ZNF507: variants seen among roughly 807,000 people sequenced by gnomAD.
ZNF507 encodes zinc finger protein 507.
In ZNF507, 29 loss-of-function variants were observed where a neutral mutation model predicts 80.0. That is an observed-to-expected ratio of 0.36 (90% CI 0.27 to 0.49). ZNF507 has a LOEUF of 0.49. Ranked by LOEUF, ZNF507 falls within the 20% of genes least tolerant of loss-of-function variation. The pLI, the probability that ZNF507 is intolerant of heterozygous loss-of-function variation, is 0.98. For missense variants in ZNF507, 1,081 were observed against 1,152.2 expected (o/e 0.94, Z 0.90); for synonymous variants, 462 against 422.5 (o/e 1.09, Z -1.15).
Position 32,352,829 on chromosome 19 carries a change from A to G in ZNF507, c.-2A>G, listed in dbSNP as rs142619710. ...TTCTGTTTTACATTATCCTTTTTAG[A>G]TATGGAAGAAAGTAGCAGTGTTGCC... On this transcript the variant is annotated splice_region_variant and 5_prime_UTR_variant, in exon 3 of 7. Transcript: ENST00000355898. The G allele has an allele frequency of 3.2e-6, 5 of 1,561,784 alleles. No homozygotes were observed. The highest frequency in any genetic ancestry group is 3.4e-6 in the Non-Finnish European group (4 of 1,159,938).
At chr19:32,364,947 C>T (rs539143197) in intron 5 of ZNF507, among the ~76,000 whole-genome samples, 1 of 151,940 alleles carries the variant, frequency 6.6e-6, no homozygotes, top group Admixed American at 6.6e-5. Context: ...TAGAAGTGTT[C>T]CTTATCGCCA....
chr19:32,380,526 G>T, intron 5 of ZNF507: 1 of 1,347,190 alleles, frequency 7.4e-7, no homozygotes, highest in Non-Finnish European at 1.0e-6. Context: ...GTCTTTGACC[G>T]TATTTAATTG....
chr19:32,376,903 CAGAG>C (rs201715251), intron 5 of ZNF507, among the ~76,000 whole-genome samples: 8 of 151,600 alleles, frequency 5.3e-5, no homozygotes, highest in East Asian at 1.9e-4. Context: ...GCAGCAGAGG[CAGAG>C]AGAGAGAGGG....
chr19:32,375,512 G>A (rs1430029801), intron 5 of ZNF507, among the ~76,000 whole-genome samples: 2 of 152,148 alleles, frequency 1.3e-5, no homozygotes, highest in Non-Finnish European at 2.9e-5. Context: ...ATGCATGAGG[G>A]GTGACGGGAA....
chr19:32,361,901 CTCCTTCCT>C (rs569072237), intron 5 of ZNF507, among the ~76,000 whole-genome samples: 1 of 133,514 alleles, frequency 7.5e-6, no homozygotes, highest in African/African-American at 2.7e-5. Flanking sequence ...CCCTCCCTCC[CTCCTTCCT>C]TCCTTCCTTC....
intron 5 of ZNF507, among the ~76,000 whole-genome samples, chr19:32,362,368 A>C (rs1307512312): frequency 6.6e-6 from 1 of 152,200 alleles, no homozygotes; most frequent in Non-Finnish European, 1.5e-5. Context: ...TTTAAGTAAG[A>C]AGAAAATAAC....
intron 5 of ZNF507, among the ~76,000 whole-genome samples, chr19:32,363,839 A>T (rs1190474898): frequency 1.3e-5 from 2 of 152,136 alleles, no homozygotes; most frequent in Admixed American, 1.3e-4. Flanking sequence ...TACAAAAGAG[A>T]TGCTGGGCCC....
chr19:32,381,086 A>T (rs554259103), intron 5 of ZNF507, among the ~76,000 whole-genome samples: 17 of 152,332 alleles, frequency 1.1e-4, no homozygotes, highest in African/African-American at 4.1e-4. Flanking sequence ...AATAAGAATG[A>T]TCAAGCCCTG....
At chr19:32,350,717 A>G (rs1490433329) in intron 2 of ZNF507, among the ~76,000 whole-genome samples, 1 of 152,204 alleles carries the variant, frequency 6.6e-6, no homozygotes, top group Non-Finnish European at 1.5e-5. Flanking sequence ...GTCAGCCTAC[A>G]TGGGTGTTAC....
In ZNF507 at chr19:32,351,429, G is replaced by C. The variant is rs1179777984; in HGVS notation, c.-2-1400G>C. On this transcript the variant is annotated intron_variant, in intron 2 of 6. Transcript: ENST00000355898. ...ACTGAAGCTGGTCAGCTGTGTGTGTGTGTGTGTGTGTGTGTGTGTGTGTGT... is the reference window on the plus strand; with the variant it reads ...ACTGAAGCTGGTCAGCTGTGTGTGTCTGTGTGTGTGTGTGTGTGTGTGTGT... Among the ~76,000 whole-genome samples, 10 of 131,020 alleles carry C rather than the reference G, an allele frequency of 7.6e-5. No homozygotes were observed. The East Asian group carries it at 2.2e-3, about 28-fold the overall frequency. 86.0% of individuals were successfully genotyped at this position (131,020 alleles called of 152,430 possible).
At position 32,352,933 on chromosome 19, in the gene ZNF507, G is replaced by A. The variant is rs139315951; in HGVS notation, c.103G>A (p.Glu35Lys). 6.2e-6 allele frequency: 10 copies of A among 1,613,944 alleles called. No homozygotes were observed. Among genetic ancestry groups the A allele is most frequent in the Admixed American group, 3.3e-5 (2 of 59,990 alleles). ...SIISPSLEID[E>K]QRKTKPDPLI... Reference sequence around the variant, plus strand: ...CATCAGTCCTTCATTGGAAATTGATGAACAAAGAAAAACTAAACCAGATCC... The same window carrying A: ...CATCAGTCCTTCATTGGAAATTGATAAACAAAGAAAAACTAAACCAGATCC... The change falls in exon 3 of 7, where the codon GAA becomes AAA. Residue 35 changes from glutamate to lysine, a missense_variant. By Grantham distance (56) the Glu-to-Lys change is moderately conservative. Transcript: ENST00000355898.
chr19:32,371,133 C>T (rs1280471717), intron 5 of ZNF507, among the ~76,000 whole-genome samples: 1 of 152,148 alleles, frequency 6.6e-6, no homozygotes, highest in Non-Finnish European at 1.5e-5. Flanking sequence ...TATTTTCTAT[C>T]ATTTCTCCTT....
intron 4 of ZNF507, chr19:32,359,520 C>G (rs953440958): frequency 2.0e-5 from 3 of 152,158 alleles, no homozygotes; most frequent in African/African-American, 7.2e-5. Context: ...TGTGAATAGC[C>G]TGTGGACTGT....
At chr19:32,374,415 C>T (rs1967518590) in intron 5 of ZNF507, among the ~76,000 whole-genome samples, 1 of 150,342 alleles carries the variant, frequency 6.7e-6, no homozygotes, top group Non-Finnish European at 1.5e-5. Context: ...TAAGGTATAT[C>T]ATTATATTAT....
intron 4 of ZNF507, chr19:32,358,162 T>C (rs1967276225): frequency 6.6e-6 from 1 of 152,190 alleles, no homozygotes; most frequent in African/African-American, 2.4e-5. Context: ...ATTTGCTTTT[T>C]TCTCTCAGTA....
At chr19:32,371,701 G>A (rs924560919) in intron 5 of ZNF507, among the ~76,000 whole-genome samples, 3 of 147,364 alleles carry the variant, frequency 2.0e-5, no homozygotes, top group African/African-American at 5.0e-5. Context: ...GTGCAGTGGC[G>A]TGATTTCGGC....
intron 5 of ZNF507, chr19:32,380,596 C>T (rs1321609908): frequency 1.3e-6 from 2 of 1,535,150 alleles, no homozygotes; most frequent in Non-Finnish European, 1.7e-6. Context: ...GACTGTGTCT[C>T]TTATTGGTGT....
intron 4 of ZNF507, chr19:32,357,050 T>C (rs936672280): frequency 8.9e-6 from 2 of 223,892 alleles, no homozygotes; most frequent in Non-Finnish European, 1.8e-5. Flanking sequence ...AAAACAGGCC[T>C]CCCCTCCCTC....
At position 32,354,831 on chromosome 19, in the gene ZNF507, G is replaced by A. The variant is rs375075147; in HGVS notation, c.2001G>A (p.Gln667=). ...KQHLRVHRQR[Q]PYQCPICEHI... ...ACTTACGAGTCCATCGACAGAGACAGCCTTATCAGTGTCCTATCTGCGAGC... is the reference window on the plus strand; with the variant it reads ...ACTTACGAGTCCATCGACAGAGACAACCTTATCAGTGTCCTATCTGCGAGC... The change falls in exon 3 of 7, where the codon CAG becomes CAA. Residue 667 remains glutamine (Q), a synonymous_variant. Transcript: ENST00000355898. The A allele has an allele frequency of 1.2e-6, 2 of 1,614,096 alleles. No individual in the cohort carries two copies. The highest frequency in any genetic ancestry group is 1.7e-5 in the Admixed American group (1 of 60,014).
Sources: gnomAD v4.1 joint callset for allele counts (sites outside exome capture counted in the v4.1 genomes callset) on GRCh38, gnomAD v4.1.1 for gene constraint, MANE v1.5 for transcripts, NCBI Gene and HGNC (gene_info 2026-07-23, HGNC 2026-07-21) for gene names.